The following GRAMD1B variants were observed in gnomAD, a reference collection of about 807,000 sequenced individuals.
GRAMD1B encodes the protein GRAM domain containing 1B.
A neutral mutation model predicts 99.7 loss-of-function variants in GRAMD1B; 37 were observed. The ratio of observed to expected loss-of-function variants is 0.37; its 90% CI spans 0.29 to 0.49. GRAMD1B has a LOEUF of 0.49. Among genes scored for constraint, GRAMD1B ranks in the 20% least tolerant of loss-of-function variants. The probability of loss-of-function intolerance (pLI) is 0.98; values close to 1 mark genes in which losing one functional copy is unlikely to be tolerated. For missense variants in GRAMD1B, 888 were observed against 1,009.2 expected (o/e 0.88, Z 1.63); for synonymous variants, 427 against 387.6 (o/e 1.10, Z -1.19).
In GRAMD1B at chr11:123,548,144, C is replaced by T. The variant is rs1161963817; in HGVS notation, c.453-29223C>T. ...AGAGATTGCAATGGGGGGTGAGGCA[C>T]TGCTAGGATGTCATAGCTTGTGCCC... On this transcript the variant is annotated intron_variant, in intron 2 of 19. Transcript: ENST00000635736. Among the ~76,000 whole-genome samples, 2 of 151,798 alleles carry T rather than the reference C, an allele frequency of 1.3e-5. 1 individual carries two copies. Among genetic ancestry groups the T allele is most frequent in the Non-Finnish European group, 2.9e-5 (2 of 67,938 alleles).
Position 123,575,663 on chromosome 11 carries a change from G to A in GRAMD1B, c.453-1704G>A, listed in dbSNP as rs553596004. Reference sequence around the variant, plus strand: ...ACGTGTGTTGGCACCTGCTCTCCACGCTTCCCCAGGGGTTGTGCACTCATG... The same window carrying A: ...ACGTGTGTTGGCACCTGCTCTCCACACTTCCCCAGGGGTTGTGCACTCATG... On this transcript the variant is annotated intron_variant, in intron 2 of 19. Transcript: ENST00000635736. Among the ~76,000 whole-genome samples the A allele has an allele frequency of 2.6e-5, 4 of 152,228 alleles. No individual in the cohort carries two copies. In the East Asian group the frequency reaches 7.7e-4, roughly 29 times the overall value.
chr11:123,501,141 G>A (rs1320072677), intron 2 of GRAMD1B, among the ~76,000 whole-genome samples: 1 of 151,972 alleles, frequency 6.6e-6, no homozygotes, highest in Admixed American at 6.6e-5. Context: ...TAACTCCAGA[G>A]CTCAAGTTCT....
intron 1 of GRAMD1B, among the ~76,000 whole-genome samples, chr11:123,407,680 T>C (rs1179710068): frequency 2.6e-5 from 4 of 152,194 alleles, no homozygotes; most frequent in African/African-American, 9.7e-5. Context: ...AGGGGCCAAA[T>C]CAGAGTCCCA....
intron 1 of GRAMD1B, among the ~76,000 whole-genome samples, chr11:123,375,511 C>A (rs1344139464): frequency 2.0e-5 from 3 of 152,154 alleles, no homozygotes; most frequent in Non-Finnish European, 4.4e-5. Context: ...TACAAAAAAG[C>A]ATAAGTTACT....
chr11:123,503,396 G>A (rs140833364), intron 2 of GRAMD1B, among the ~76,000 whole-genome samples: 36 of 152,268 alleles, frequency 2.4e-4, no homozygotes, highest in South Asian at 1.0e-3. Context: ...AAGTGCAGAC[G>A]GCTTGGAGGA....
At chr11:123,405,599 A>C (rs1333606609) in intron 1 of GRAMD1B, among the ~76,000 whole-genome samples, 1 of 152,138 alleles carries the variant, frequency 6.6e-6, no homozygotes, top group Non-Finnish European at 1.5e-5. Flanking sequence ...GGACTCTTGC[A>C]AGTTAGATGA....
intron 1 of GRAMD1B, among the ~76,000 whole-genome samples, chr11:123,442,330 C>T (rs773896427): frequency 7.2e-5 from 11 of 152,168 alleles, no homozygotes; most frequent in Admixed American, 3.9e-4. Flanking sequence ...CCAGAGTTCC[C>T]GACTCCCTTT....
intron 1 of GRAMD1B, among the ~76,000 whole-genome samples, chr11:123,378,061 C>G (rs1365243034): frequency 6.6e-6 from 1 of 152,186 alleles, no homozygotes; most frequent in African/African-American, 2.4e-5. Flanking sequence ...TTCTAGTGGT[C>G]AGAACACTGG....
chr11:123,512,384 A>C (rs1368019153), intron 2 of GRAMD1B, among the ~76,000 whole-genome samples: 1 of 151,992 alleles, frequency 6.6e-6, no homozygotes, highest in Admixed American at 6.5e-5. Flanking sequence ...GATTTTGGGG[A>C]TTTATTCTGT....
intron 2 of GRAMD1B, chr11:123,560,781 T>C (rs2135998489): frequency 2.2e-6 from 1 of 447,342 alleles, no homozygotes; most frequent in East Asian, 7.0e-5. Flanking sequence ...GGCTCTGTCC[T>C]GGGGTCAGAA....
intron 2 of GRAMD1B, among the ~76,000 whole-genome samples, chr11:123,570,737 A>G (rs560298253): frequency 5.1e-4 from 78 of 152,308 alleles, no homozygotes; most frequent in Non-Finnish European, 8.7e-4. Flanking sequence ...AGCCTTCTTA[A>G]TAATACCAGC....
chr11:123,409,518 G>A (rs1158593998), intron 1 of GRAMD1B, among the ~76,000 whole-genome samples: 4 of 152,024 alleles, frequency 2.6e-5, no homozygotes, highest in Admixed American at 6.6e-5. Context: ...CCTGCCCTTC[G>A]CTGTCTTGAA....
intron 1 of GRAMD1B, among the ~76,000 whole-genome samples, chr11:123,417,562 T>A (rs1330845956): frequency 2.6e-5 from 4 of 152,150 alleles, no homozygotes; most frequent in Non-Finnish European, 5.9e-5. Flanking sequence ...AGCTCTGGCA[T>A]CAGCATTGAT....
chr11:123,539,158 A>C (rs1161328270), intron 2 of GRAMD1B, among the ~76,000 whole-genome samples: 7 of 152,104 alleles, frequency 4.6e-5, no homozygotes, highest in Non-Finnish European at 1.0e-4. Context: ...CCAGGAGTTC[A>C]AGGATGTTAC....
rs145281566 is a variant in GRAMD1B at position 123,408,406 on chromosome 11, T to C, written c.-176+49607T>C. On this transcript the variant is annotated intron_variant, in intron 1 of 20. Transcript: ENST00000638157. Reference sequence around the variant, plus strand: ...CTCACCCTGCATTGTTCTTACTTTGTGTAGACACAGGATCTAGGTTATGTT... The same window carrying C: ...CTCACCCTGCATTGTTCTTACTTTGCGTAGACACAGGATCTAGGTTATGTT... 3.2e-3 allele frequency among the ~76,000 whole-genome samples: 483 copies of C among 152,350 alleles called. 5 individuals carry two copies. Among genetic ancestry groups the C allele is most frequent in the Middle Eastern group, 0.017 (5 of 294 alleles).
At chr11:123,387,697 A>C (rs1044670440) in intron 1 of GRAMD1B, among the ~76,000 whole-genome samples, 5 of 152,224 alleles carry the variant, frequency 3.3e-5, no homozygotes, top group African/African-American at 1.2e-4. Flanking sequence ...AGAGACAAGC[A>C]TCAGCCTGCC....
At chr11:123,471,087 C>A (rs894900747) in intron 1 of GRAMD1B, among the ~76,000 whole-genome samples, 2 of 152,138 alleles carry the variant, frequency 1.3e-5, no homozygotes, top group Admixed American at 1.3e-4. Context: ...TCAGCATATT[C>A]ATAATAATTG....
chr11:123,598,710 G>A (rs1951588947), intron 7 of GRAMD1B: 1 of 942,850 alleles, frequency 1.1e-6, no homozygotes, highest in Non-Finnish European at 1.8e-6. Flanking sequence ...GGAGGAGAAT[G>A]CAGAGAGGTC....
intron 7 of GRAMD1B, chr11:123,597,851 AG>A (rs1951473384): frequency 2.8e-6 from 2 of 716,162 alleles, no homozygotes; most frequent in South Asian, 3.1e-5. Flanking sequence ...AAGTAGCAAA[AG>A]GTCTTTAAGA....
Sources: gnomAD v4.1 joint callset for allele counts (sites outside exome capture counted in the v4.1 genomes callset) on GRCh38, gnomAD v4.1.1 for gene constraint, MANE v1.5 for transcripts, NCBI Gene and HGNC (gene_info 2026-07-23, HGNC 2026-07-21) for gene names.